Variants in LRRTM4 observed in about 807,000 individuals in gnomAD.
LRRTM4 encodes leucine-rich repeat transmembrane neuronal protein 4.
Under a neutral mutation model 47.6 loss-of-function variants are expected in LRRTM4, and 25 were observed. The observed-to-expected ratio is 0.53, with a 90% confidence interval of 0.38 to 0.73. LRRTM4 has a LOEUF of 0.73. LRRTM4 is among the 30% of genes least tolerant of loss of function. LRRTM4 has a pLI of 0.00. For synonymous variants in LRRTM4, 311 were observed against 269.5 expected (o/e 1.15, Z -1.51); for missense variants, 638 against 713.4 (o/e 0.89, Z 1.20).
At chr2:77,238,817 G>A (rs1352622800) in intron 3 of LRRTM4, among the ~76,000 whole-genome samples, 3 of 151,610 alleles carry the variant, frequency 2.0e-5, no homozygotes, top group African/African-American at 2.4e-5. Flanking sequence ...AGTATTGAAA[G>A]AAACCAAAAT....
intron 3 of LRRTM4, among the ~76,000 whole-genome samples, chr2:77,378,844 G>T (rs569328169): frequency 6.6e-6 from 1 of 152,084 alleles, no homozygotes; most frequent in African/African-American, 2.4e-5. Flanking sequence ...TGAGGCCACC[G>T]GAGGTTTACC....
In LRRTM4 at chr2:77,470,420, A is replaced by C. The variant is rs75769140; in HGVS notation, c.1551+47898T>G. Among the ~76,000 whole-genome samples the C allele has an allele frequency of 5.5e-3, 845 of 152,286 alleles. 4 individuals are homozygous for C. Among genetic ancestry groups the C allele is most frequent in the Middle Eastern group, 0.014 (4 of 294 alleles). On this transcript the variant is annotated intron_variant, in intron 3 of 3. Coordinates refer to ENST00000409884, the MANE Select transcript of LRRTM4 (RefSeq NM_001134745.3). The stretch of plus-strand genomic sequence containing the variant: ...AAGCAAGTGTTTGAAAGCATAAAAT[A>C]CTTTTGAAAAGGAAGATATAAGAGT...
intron 3 of LRRTM4, among the ~76,000 whole-genome samples, chr2:76,815,036 G>T (rs1246993639): frequency 6.6e-6 from 1 of 152,064 alleles, no homozygotes; most frequent in Non-Finnish European, 1.5e-5. Context: ...AAGCGGAGAC[G>T]TGTGTGGGAG....
intron 3 of LRRTM4, among the ~76,000 whole-genome samples, chr2:76,833,297 G>T (rs1671408335): frequency 1.3e-5 from 2 of 152,034 alleles, no homozygotes; most frequent in Non-Finnish European, 2.9e-5. Flanking sequence ...TATCCGTGCT[G>T]CAAACTCCGT....
At chr2:77,082,270 T>C (rs1680557242) in intron 3 of LRRTM4, among the ~76,000 whole-genome samples, 1 of 152,110 alleles carries the variant, frequency 6.6e-6, no homozygotes, top group African/African-American at 2.4e-5. Flanking sequence ...CAGTTGCTTG[T>C]ATTAATTCAC....
At chr2:77,202,879 G>A (rs1163079283) in intron 3 of LRRTM4, among the ~76,000 whole-genome samples, 1 of 152,048 alleles carries the variant, frequency 6.6e-6, no homozygotes, top group African/African-American at 2.4e-5. Context: ...CTAAGGAAAA[G>A]TAGAATGTAT....
chr2:76,936,308 A>G (rs1464371347), intron 3 of LRRTM4, among the ~76,000 whole-genome samples: 4 of 152,052 alleles, frequency 2.6e-5, no homozygotes, highest in African/African-American at 4.8e-5. Context: ...TGAAGCTGGA[A>G]ACCATCATTC....
At chr2:77,349,532 A>AC (rs1223086124) in intron 3 of LRRTM4, among the ~76,000 whole-genome samples, 1 of 152,086 alleles carries the variant, frequency 6.6e-6, no homozygotes, top group East Asian at 1.9e-4. Flanking sequence ...GGTAACTGTT[A>AC]GAGTTTTGTT....
chr2:77,304,524 T>C (rs890999700), intron 3 of LRRTM4, among the ~76,000 whole-genome samples: 1 of 151,760 alleles, frequency 6.6e-6, no homozygotes, highest in Non-Finnish European at 1.5e-5. Context: ...GGAAAAAAAA[T>C]AGTCAGCTGG....
intron 3 of LRRTM4, among the ~76,000 whole-genome samples, chr2:77,130,909 A>G (rs1322751370): frequency 2.7e-5 from 3 of 110,470 alleles, no homozygotes; most frequent in African/African-American, 1.1e-4. Flanking sequence ...ATCTTGGCTC[A>G]CTGCAAGCTC....
chr2:77,518,379 T>A lies in LRRTM4; in HGVS notation c.1490A>T (p.Asp497Val), dbSNP rs188338853. ...GGGCCCAGATCCATTAACCGATATATCCATGGTCTCAGAGTTTGTAGGCTT... is the reference window on the plus strand; with the variant it reads ...GGGCCCAGATCCATTAACCGATATAACCATGGTCTCAGAGTTTGTAGGCTT... Reference protein sequence around the residue: ...DYKPTNSETMDISVNGSGPCT... With the variant: ...DYKPTNSETMVISVNGSGPCT... Residue 497 changes from aspartate to valine, a missense_variant, in exon 3 of 4, where the codon GAT (aspartate) becomes GTT (valine). Physicochemically the swap from Asp to Val is radical, Grantham distance 152. Coordinates refer to ENST00000409884, the MANE Select transcript of LRRTM4 (RefSeq NM_001134745.3). The A allele has an allele frequency of 6.2e-7, 1 of 1,612,924 alleles. No individual in the cohort carries two copies. Among genetic ancestry groups the A allele is most frequent in the African/African-American group, 1.3e-5 (1 of 74,994 alleles).
intron 3 of LRRTM4, among the ~76,000 whole-genome samples, chr2:77,064,258 A>G (rs1251493669): frequency 1.3e-5 from 2 of 152,190 alleles, no homozygotes; most frequent in African/African-American, 2.4e-5. Flanking sequence ...TAAAGAAGTG[A>G]TAACTGTAAA....
intron 3 of LRRTM4, among the ~76,000 whole-genome samples, chr2:77,305,237 T>C (rs528101660): frequency 3.9e-5 from 6 of 152,036 alleles, no homozygotes; most frequent in Non-Finnish European, 8.8e-5. Context: ...TATACAGAAA[T>C]TAATTTTTCC....
At chr2:76,803,028 G>T (rs1168918100) in intron 3 of LRRTM4, among the ~76,000 whole-genome samples, 1 of 152,112 alleles carries the variant, frequency 6.6e-6, no homozygotes, top group African/African-American at 2.4e-5. Flanking sequence ...AGCTCCATGA[G>T]ATTGGTCTGG....
chr2:76,914,924 T>C lies in LRRTM4; in HGVS notation c.1552-166008A>G, dbSNP rs77400742. On this transcript the variant is annotated intron_variant, in intron 3 of 3. Transcript: ENST00000409884. ...AAGAGCAGAAAGAAAATGTCAGTTA[T>C]CTTATGCATTTTAAATTAAAATTAA... is the stretch of plus-strand genomic sequence containing the variant. Among the ~76,000 whole-genome samples the C allele has an allele frequency of 8.3e-3, 1,257 of 152,324 alleles. 16 individuals carry two copies. The highest frequency in any genetic ancestry group is 0.029 in the African/African-American group (1,225 of 41,562).
In LRRTM4 at chr2:76,780,878, G is replaced by GTCTT. The variant is rs202142292; in HGVS notation, c.1552-31966_1552-31963dup. On this transcript the variant is annotated intron_variant, in intron 3 of 3. Transcript: ENST00000409884. ...AGTTTTTCTGTTCTGTTTTTTCCCC[G>GTCTT]TCTTTGTGGTTTTTATCTACTTTTG... Among the ~76,000 whole-genome samples the GTCTT allele has an allele frequency of 6.6e-4, 94 of 143,494 alleles. No individual in the cohort carries two copies. In the East Asian group the frequency reaches 0.018, roughly 27 times the overall value. The allele number at this position is 143,494 out of a possible 152,430, so 94.1% of individuals were successfully genotyped here. A position where few individuals can be genotyped will look rare whatever the true frequency, so the allele number is the denominator to read the frequency against.
At chr2:77,135,835 T>A (rs1272337943) in intron 3 of LRRTM4, among the ~76,000 whole-genome samples, 1 of 152,130 alleles carries the variant, frequency 6.6e-6, no homozygotes, top group Non-Finnish European at 1.5e-5. Flanking sequence ...AGCAATTCAA[T>A]GTAAGAAGAA....
chr2:76,872,357 A>G (rs78092791), intron 3 of LRRTM4, among the ~76,000 whole-genome samples: 1 of 151,992 alleles, frequency 6.6e-6, no homozygotes, highest in African/African-American at 2.4e-5. Flanking sequence ...TTACAATTGC[A>G]TTGCAAAATA....
At chr2:77,048,558 A>G (rs957922542) in intron 3 of LRRTM4, among the ~76,000 whole-genome samples, 8 of 152,002 alleles carry the variant, frequency 5.3e-5, no homozygotes, top group African/African-American at 1.9e-4. Context: ...TATTGACTTG[A>G]ATTTTTAAAA....
Sources: gnomAD v4.1 joint callset for allele counts (sites outside exome capture counted in the v4.1 genomes callset) on GRCh38, gnomAD v4.1.1 for gene constraint, MANE v1.5 for transcripts, NCBI Gene and HGNC (gene_info 2026-07-23, HGNC 2026-07-21) for gene names.